The following ADAMTSL1 variants were observed in gnomAD, a reference collection of about 807,000 sequenced individuals.
ADAMTSL1 encodes the protein ADAMTS like 1, also known as ADAMTS-like protein 1.
ADAMTSL1 carries 126 observed loss-of-function variants against 201.8 expected under a neutral mutation model. The ratio of observed to expected loss-of-function variants is 0.62; its 90% CI spans 0.54 to 0.72. The LOEUF is 0.72. Among genes scored for constraint, ADAMTSL1 ranks in the 30% least tolerant of loss-of-function variants. The pLI is 0.00. For missense variants in ADAMTSL1, 2,679 were observed against 2,277.8 expected, an observed-to-expected ratio of 1.18 and a Z score of -3.59; for synonymous variants, 1,121 against 903.4, an observed-to-expected ratio of 1.24 and a Z score of -4.32.
intron 1 of ADAMTSL1, among the ~76,000 whole-genome samples, chr9:18,051,857 A>G (rs1232639717): frequency 6.6e-6 from 1 of 152,188 alleles, no homozygotes; most frequent in African/African-American, 2.4e-5. Flanking sequence ...AAAGTAGGTG[A>G]CCACGTCAAA....
chr9:18,043,798 C>G (rs1012119593), intron 1 of ADAMTSL1, among the ~76,000 whole-genome samples: 7 of 151,826 alleles, frequency 4.6e-5, no homozygotes, highest in Admixed American at 6.6e-5. Context: ...GTGAATTCTC[C>G]TGAATTATAC....
At chr9:18,449,696 C>A (rs1820330640) in intron 2 of ADAMTSL1, among the ~76,000 whole-genome samples, 1 of 151,822 alleles carries the variant, frequency 6.6e-6, no homozygotes, top group African/African-American at 2.4e-5. Context: ...GGAAAATAAC[C>A]CAATAAAAAT....
intron 16 of ADAMTSL1, 139 bp downstream of exon 16, chr9:18,753,647 C>A: frequency 1.1e-6 from 1 of 941,784 alleles, no homozygotes; most frequent in Non-Finnish European, 1.6e-6. Context: ...CTTAGTACTC[C>A]CCTAACCTGA....
chr9:18,199,908 A>T (rs1276619819), intron 2 of ADAMTSL1, among the ~76,000 whole-genome samples: 1 of 151,918 alleles, frequency 6.6e-6, no homozygotes, highest in African/African-American at 2.4e-5. Context: ...TTCCTGTTAG[A>T]TTTGTTATCT....
chr9:18,699,059 G>C (rs745833202), intron 13 of ADAMTSL1, among the ~76,000 whole-genome samples: 6 of 152,208 alleles, frequency 3.9e-5, no homozygotes, highest in Non-Finnish European at 7.3e-5. Flanking sequence ...AACTTTCAGA[G>C]AACTCAGCCC....
intron 1 of ADAMTSL1, among the ~76,000 whole-genome samples, chr9:18,063,818 C>G (rs1220021661): frequency 6.6e-6 from 1 of 152,092 alleles, no homozygotes; most frequent in African/African-American, 2.4e-5. Context: ...TTTGGCTGTC[C>G]CAAAACACCC....
chr9:18,535,779 G>A (rs1383741037), intron 3 of ADAMTSL1, among the ~76,000 whole-genome samples: 6 of 152,188 alleles, frequency 3.9e-5, no homozygotes, highest in Non-Finnish European at 8.8e-5. Context: ...AGAACTGAGT[G>A]AAGGGAGAAG....
chr9:18,087,494 A>G (rs186547073), intron 1 of ADAMTSL1, among the ~76,000 whole-genome samples: 1 of 152,174 alleles, frequency 6.6e-6, no homozygotes, highest in Admixed American at 6.5e-5. Context: ...AAAATTTTTA[A>G]TTTTTTTAAA....
At chr9:18,248,102 C>A (rs943361856) in intron 2 of ADAMTSL1, among the ~76,000 whole-genome samples, 1 of 152,106 alleles carries the variant, frequency 6.6e-6, no homozygotes, top group Non-Finnish European at 1.5e-5. Flanking sequence ...TTATTTAAGC[C>A]TCAGCTTAAT....
chr9:18,352,515 C>T (rs1836017273), intron 2 of ADAMTSL1, among the ~76,000 whole-genome samples: 2 of 152,194 alleles, frequency 1.3e-5, no homozygotes, highest in Non-Finnish European at 2.9e-5. Context: ...TGTCTTCTCT[C>T]TGGACAGCCA....
At chr9:17,915,919 C>G (rs945668646) in intron 1 of ADAMTSL1, among the ~76,000 whole-genome samples, 6 of 152,028 alleles carry the variant, frequency 3.9e-5, no homozygotes, top group Non-Finnish European at 5.9e-5. Context: ...ATTCTACATT[C>G]TGGCTGTGAA....
chr9:17,910,848 A>C (rs2131267305), intron 1 of ADAMTSL1, among the ~76,000 whole-genome samples: 1 of 69,202 alleles, frequency 1.4e-5, no homozygotes, highest in African/African-American at 2.9e-5. Context: ...CAAATCAAGA[A>C]GAAATCATTC....
chr9:18,844,082 C>G (rs1229126635), intron 23 of ADAMTSL1, among the ~76,000 whole-genome samples: 1 of 152,236 alleles, frequency 6.6e-6, no homozygotes, highest in East Asian at 1.9e-4. Flanking sequence ...TGGTGAGGAG[C>G]TGTGTTCCTT....
intron 9 of ADAMTSL1, among the ~76,000 whole-genome samples, chr9:18,666,267 A>T (rs1829424895): frequency 6.6e-6 from 1 of 152,176 alleles, no homozygotes; most frequent in African/African-American, 2.4e-5. Flanking sequence ...CCTGGCCAAA[A>T]GTGGTAAACT....
rs1293552272 is a variant in ADAMTSL1, at chr9:18,906,902, A to G, written c.5172A>G (p.Pro1724=). 1 of 1,613,940 alleles carries G rather than the reference A, an allele frequency of 6.2e-7. No homozygotes were observed. The highest frequency in any genetic ancestry group is 2.2e-5 in the East Asian group (1 of 44,878). The change falls in exon 28 of 29, where the codon CCA becomes CCG. Residue 1724 remains proline, a synonymous_variant. Coordinates refer to ENST00000380548, the MANE Select transcript of ADAMTSL1 (RefSeq NM_001040272.6). Reference sequence around the variant, plus strand: ...ACTGGCAGCGCTGCAACATCACCCCATGTGAAAACAGTATGTTCCAACCCC... The same window carrying G: ...ACTGGCAGCGCTGCAACATCACCCCGTGTGAAAACAGTATGTTCCAACCCC... The part of the protein sequence containing the change: ...PANWQRCNIT[P]CENMECRDTT...
chr9:18,606,514 A>G (rs1825021286), intron 4 of ADAMTSL1, among the ~76,000 whole-genome samples: 1 of 152,106 alleles, frequency 6.6e-6, no homozygotes, highest in Non-Finnish European at 1.5e-5. Flanking sequence ...GTGCTGCCTG[A>G]CCTCTTGAGG....
At chr9:18,885,703 A>C (rs1828805271) in intron 23 of ADAMTSL1, among the ~76,000 whole-genome samples, 1 of 152,100 alleles carries the variant, frequency 6.6e-6, no homozygotes, top group African/African-American at 2.4e-5. Flanking sequence ...CTCCCTTCCA[A>C]ATAGTCTGCT....
chr9:18,471,065 G>C (rs1162574549), upstream of ADAMTSL1, among the ~76,000 whole-genome samples: 2 of 152,278 alleles, frequency 1.3e-5, no homozygotes, highest in South Asian at 2.1e-4. Context: ...ATTACCTAAA[G>C]TTTTACATTA....
intron 23 of ADAMTSL1, among the ~76,000 whole-genome samples, chr9:18,839,669 A>G (rs1004030084): frequency 3.9e-5 from 6 of 152,056 alleles, no homozygotes; most frequent in Non-Finnish European, 7.4e-5. Context: ...AAGTGTTCCT[A>G]TTTCTCCACA....
Sources: allele counts gnomAD v4.1 joint callset (sites outside exome capture counted in the v4.1 genomes callset), GRCh38; gene constraint gnomAD v4.1.1; transcripts MANE v1.5; gene names NCBI Gene and HGNC (gene_info 2026-07-23, HGNC 2026-07-21).